The following TOX3 variants were observed in gnomAD, a reference collection of about 807,000 sequenced individuals.
TOX3 encodes the protein CAG trinucleotide repeat-containing gene F9 protein.
Under a neutral mutation model 64.3 loss-of-function variants are expected in TOX3, and 22 were observed. The observed-to-expected ratio is 0.34, with a 90% CI of 0.24 to 0.49. The LOEUF (loss-of-function observed/expected upper bound fraction) is 0.49, where lower values mean the gene tolerates loss of function less well. Ranked by LOEUF, TOX3 falls within the 20% of genes least tolerant of loss-of-function variation. TOX3 has a pLI of 0.99. For synonymous variants in TOX3, 291 were observed against 273.6 expected (o/e 1.06, Z -0.63); for missense variants, 661 against 714.4 (o/e 0.93, Z 0.85).
chr16:52,544,404 A>G (rs974755956), intron 1 of TOX3, among the ~76,000 whole-genome samples: 11 of 152,242 alleles, frequency 7.2e-5, no homozygotes, highest in Admixed American at 2.0e-4. Context: ...GTAGCAAAAT[A>G]TAGTATTGTG....
chr16:52,503,580 CT>C (rs1962064687), intron 1 of TOX3, among the ~76,000 whole-genome samples: 1 of 152,058 alleles, frequency 6.6e-6, no homozygotes, highest in Non-Finnish European at 1.5e-5. Context: ...GGTTTCCAAG[CT>C]AAAGTATAAC....
chr16:52,464,850 T>G (rs542930743), intron 2 of TOX3, among the ~76,000 whole-genome samples: 1 of 152,208 alleles, frequency 6.6e-6, no homozygotes, highest in African/African-American at 2.4e-5. Context: ...TTTTAATATG[T>G]ATTTATCTGA....
intron 1 of TOX3, among the ~76,000 whole-genome samples, chr16:52,538,620 A>G (rs1243863980): frequency 2.0e-5 from 3 of 152,232 alleles, no homozygotes; most frequent in African/African-American, 4.8e-5. Context: ...AAGAATGAGT[A>G]TATATCATTC....
At chr16:52,440,975 G>T (rs962487204) in intron 6 of TOX3, among the ~76,000 whole-genome samples, 1 of 151,706 alleles carries the variant, frequency 6.6e-6, no homozygotes, top group Admixed American at 6.6e-5. Context: ...TGTTAGCCAG[G>T]ATGGTCTTGA....
rs532196365 is a variant in TOX3 at position 52,438,441 on chromosome 16, C to T, written c.*784G>A. 6.5e-6 allele frequency: 1 copy of T among 152,704 alleles called. No homozygotes were observed. Among genetic ancestry groups the T allele is most frequent in the South Asian group, 2.1e-4 (1 of 4,820 alleles). 9.5% of individuals were successfully genotyped at this position (152,704 alleles called of 1,614,324 possible). A position where few individuals can be genotyped will look rare whatever the true frequency, so the allele number is the denominator to read the frequency against. On this transcript the variant is annotated 3_prime_UTR_variant, in exon 7 of 7. Coordinates refer to ENST00000219746, the MANE Select transcript of TOX3 (RefSeq NM_001080430.4). ...TAACTGTTTTCATTTAAGTGCATTT[C>T]CCTTTTAAAAATACAGTGTTTTTAT...
At chr16:52,530,039 G>C (rs1362548) in intron 1 of TOX3, among the ~76,000 whole-genome samples, 48,845 of 152,048 alleles carry the variant, frequency 0.32, 8,182 homozygotes, top group African/African-American at 0.41. Context: ...AGGTTATCTG[G>C]ATGAACGGAA....
chr16:52,468,381 C>T, intron 2 of TOX3, 128 bp downstream of exon 2: 1 of 706,760 alleles, frequency 1.4e-6, no homozygotes. Context: ...CTCTTTTCTC[C>T]TCCAAAGTAG....
intron 1 of TOX3, among the ~76,000 whole-genome samples, chr16:52,516,265 G>A (rs1215435302): frequency 1.3e-5 from 2 of 151,994 alleles, no homozygotes; most frequent in African/African-American, 2.4e-5. Context: ...CAGAAACTAG[G>A]TCTATATTGT....
In TOX3 at chr16:52,439,809, T is replaced by C. The variant is rs541908617; in HGVS notation, c.1147A>G (p.Ile383Val). The C allele has an allele frequency of 6.8e-6, 11 of 1,613,900 alleles. No individual in the cohort carries two copies. The highest frequency in any genetic ancestry group is 5.5e-5 in the South Asian group (5 of 91,086). Reference protein sequence around the residue: ...QTLQQSLPRSIAPKPLTMRLP... With the variant: ...QTLQQSLPRSVAPKPLTMRLP... Reference sequence around the variant, plus strand: ...CTCATGGTTAAGGGTTTGGGAGCGATTGACCTAGGGAGGGATTGCTGGAGA... The same window carrying C: ...CTCATGGTTAAGGGTTTGGGAGCGACTGACCTAGGGAGGGATTGCTGGAGA... The change falls in exon 7 of 7, where the codon ATC (isoleucine) becomes GTC (valine). Residue 383 changes from isoleucine (I) to valine (V), a missense_variant. This residue lies in a region of TOX3 where 299 missense variants were observed against 292.1 expected (regional missense o/e 1.02). Transcript: ENST00000219746.
At chr16:52,468,787 T>A (rs1019562664) in intron 1 of TOX3, among the ~76,000 whole-genome samples, 1 of 152,224 alleles carries the variant, frequency 6.6e-6, no homozygotes, top group Non-Finnish European at 1.5e-5. Flanking sequence ...AAAATAGTTT[T>A]GTTTCTCATC....
chr16:52,513,137 G>C (rs1034637857), intron 1 of TOX3, among the ~76,000 whole-genome samples: 2 of 152,124 alleles, frequency 1.3e-5, no homozygotes, highest in African/African-American at 4.8e-5. Context: ...AACACAAAAG[G>C]CTGAATAAAT....
chr16:52,450,150 A>G (rs948026611), intron 4 of TOX3, 127 bp downstream of exon 4: 1 of 1,115,904 alleles, frequency 9.0e-7, no homozygotes, highest in South Asian at 1.6e-5. Context: ...ACAACAAACC[A>G]TCATACATTT....
chr16:52,521,624 C>T (rs1023897082), intron 1 of TOX3, among the ~76,000 whole-genome samples: 2 of 152,172 alleles, frequency 1.3e-5, no homozygotes, highest in African/African-American at 4.8e-5. Flanking sequence ...ATCAACTGTG[C>T]GTACACAGCT....
At chr16:52,449,046 A>T (rs1960255086) in intron 4 of TOX3, among the ~76,000 whole-genome samples, 1 of 152,142 alleles carries the variant, frequency 6.6e-6, no homozygotes, top group Non-Finnish European at 1.5e-5. Flanking sequence ...TCACTCCTAA[A>T]ATGCCTGCTA....
intron 1 of TOX3, among the ~76,000 whole-genome samples, chr16:52,540,147 A>C (rs923604461): frequency 6.6e-6 from 1 of 151,970 alleles, no homozygotes; most frequent in Non-Finnish European, 1.5e-5. Flanking sequence ...GGGAGGTCAA[A>C]GGCAGGAGGA....
chr16:52,496,635 G>A (rs757448564), intron 1 of TOX3, among the ~76,000 whole-genome samples: 1 of 152,160 alleles, frequency 6.6e-6, no homozygotes, highest in Non-Finnish European at 1.5e-5. Context: ...TTTCGACATT[G>A]CCTCTATTTG....
At chr16:52,516,839 C>T (rs1045390111) in intron 1 of TOX3, among the ~76,000 whole-genome samples, 5 of 152,130 alleles carry the variant, frequency 3.3e-5, no homozygotes, top group African/African-American at 9.7e-5. Context: ...TTGTTCACAA[C>T]TGTACATGTT....
chr16:52,532,015 G>T (rs939535682), intron 1 of TOX3, among the ~76,000 whole-genome samples: 1 of 152,154 alleles, frequency 6.6e-6, no homozygotes, highest in Non-Finnish European at 1.5e-5. Flanking sequence ...AGGGGAGTTT[G>T]GGGGGCAGTG....
intron 1 of TOX3, among the ~76,000 whole-genome samples, chr16:52,470,158 CAAT>C (rs1482138662): frequency 6.6e-6 from 1 of 152,150 alleles, no homozygotes; most frequent in East Asian, 1.9e-4. Flanking sequence ...TGTTTTTCTA[CAAT>C]GTTAAATACA....
Sources: allele counts gnomAD v4.1 joint callset (sites outside exome capture counted in the v4.1 genomes callset), GRCh38; gene constraint gnomAD v4.1.1; regional missense constraint gnomAD v4.1.1; transcripts MANE v1.5; gene names NCBI Gene and HGNC (gene_info 2026-07-23, HGNC 2026-07-21).